The following SLC19A1 variants were observed in gnomAD, a reference collection of about 807,000 sequenced individuals.
The protein encoded by SLC19A1 is reduced folate transporter.
Under a neutral mutation model 35.3 loss-of-function variants are expected in SLC19A1, and 37 were observed. The ratio of observed to expected loss-of-function variants is 1.05; its 90% CI spans 0.81 to 1.38. The LOEUF is 1.38. Among genes scored for constraint, SLC19A1 ranks in the 40% most tolerant of loss-of-function variants. The pLI is 0.00. For synonymous variants in SLC19A1, 460 were observed against 398.5 expected (o/e 1.15, Z -1.84); for missense variants, 831 against 826.9 (o/e 1.00, Z -0.06).
intron 1 of SLC19A1, among the ~76,000 whole-genome samples, chr21:45,550,721 T>G (rs190016760): frequency 1.5e-4 from 23 of 152,332 alleles, no homozygotes; most frequent in African/African-American, 5.3e-4. Flanking sequence ...CATGTGTTCC[T>G]GGATGACTGG....
chr21:45,521,892 G>A (rs992817617), intron 5 of SLC19A1, among the ~76,000 whole-genome samples: 70 of 152,160 alleles, frequency 4.6e-4, no homozygotes, highest in African/African-American at 1.6e-3. Flanking sequence ...GTAAAAACAC[G>A]AAACTTTAAA....
chr21:45,549,678 G>A (rs1175947990), intron 1 of SLC19A1, among the ~76,000 whole-genome samples: 1 of 86,404 alleles, frequency 1.2e-5, no homozygotes, highest in African/African-American at 4.7e-5. Context: ...GGGACAGGTG[G>A]TGGGGGAGGG....
In SLC19A1 at chr21:45,528,926, A is replaced by AT. The variant is rs532063295; in HGVS notation, c.1151+1843dup. ...TTTGCACGCTGCGGCACCGTGTTGGATTTTTTTGCGATGGGCATCAATGAC... is the reference window on the plus strand; with the variant it reads ...TTTGCACGCTGCGGCACCGTGTTGGATTTTTTTTGCGATGGGCATCAATGAC... On this transcript the variant is annotated intron_variant, in intron 4 of 5. Transcript: ENST00000311124. 2.8e-4 allele frequency among the ~76,000 whole-genome samples: 42 copies of AT among 152,292 alleles called. No homozygotes were observed. In the South Asian group the frequency reaches 5.6e-3, roughly 20 times the overall value.
intron 1 of SLC19A1, among the ~76,000 whole-genome samples, chr21:45,538,549 G>A (rs1188465917): frequency 6.6e-6 from 1 of 152,220 alleles, no homozygotes; most frequent in African/African-American, 2.4e-5. Flanking sequence ...GGTGGCTGCA[G>A]GTACCAGCCT....
At chr21:45,503,942 G>T (rs1033345265) in intron 3 of SLC19A1, 1 of 1,576,862 alleles carries the variant, frequency 6.3e-7, no homozygotes, top group Non-Finnish European at 8.7e-7. Flanking sequence ...CCAGTGCTGG[G>T]GGCTGCAGAG....
rs1342644526 is a variant in SLC19A1 at position 45,506,602 on chromosome 21, G to T, written c.498-7990C>A. On this transcript the variant is annotated intron_variant, in intron 3 of 4. Transcript: ENST00000417954. The stretch of plus-strand genomic sequence containing the variant: ...GCCCCGGGAAGGTTTACCTTCGTGT[G>T]GCAAAGGTGAGGACGGGTAGAAGCC... The T allele has an allele frequency of 1.1e-5, 2 of 179,310 alleles. 1 individual carries two copies. Among genetic ancestry groups the T allele is most frequent in the Non-Finnish European group, 2.4e-5 (2 of 82,544 alleles). The allele number at this position is 179,310 out of a possible 1,614,324, so 11.1% of individuals were successfully genotyped here.
intron 2 of SLC19A1, among the ~76,000 whole-genome samples, chr21:45,537,555 C>T (rs1360806358): frequency 1.5e-5 from 2 of 129,992 alleles, no homozygotes; most frequent in African/African-American, 5.7e-5. Flanking sequence ...GGCCGCCCGG[C>T]ACCCCGGCAC....
At chr21:45,561,351 A>C (rs2078613208) in intron 1 of SLC19A1, among the ~76,000 whole-genome samples, 1 of 152,238 alleles carries the variant, frequency 6.6e-6, no homozygotes, top group African/African-American at 2.4e-5. Flanking sequence ...AAGTTAGAAC[A>C]TGTTGCGTTT....
chr21:45,530,112 A>T lies in SLC19A1; in HGVS notation c.1151+658T>A, dbSNP rs2077813852. Among the ~76,000 whole-genome samples, 1 of 146,350 alleles carries T rather than the reference A, an allele frequency of 6.8e-6. No individual in the cohort carries two copies. Among genetic ancestry groups the T allele is most frequent in the Admixed American group, 6.8e-5 (1 of 14,694 alleles). On this transcript the variant is annotated intron_variant, in intron 4 of 5. Transcript: ENST00000311124. The surrounding 1 kb of genome is among the most constrained non-coding windows in gnomAD (Gnocchi z 5.3). ...TGTGGTGTGTCTGTGTGGTGTATCC[A>T]TCTGTGAGCGTGTGGTGTGTTCATG...
intron 1 of SLC19A1, among the ~76,000 whole-genome samples, chr21:45,557,674 G>C (rs73910106): frequency 1.0e-3 from 157 of 152,176 alleles, no homozygotes; most frequent in African/African-American, 3.5e-3. Context: ...TGAGGCTCCC[G>C]GGGAGCCTCA....
At chr21:45,502,957 C>A (rs1372487822) in intron 3 of SLC19A1, 1 of 152,238 alleles carries the variant, frequency 6.6e-6, no homozygotes, top group African/African-American at 2.4e-5. Flanking sequence ...TCTAGAAAAA[C>A]CACCACCGAG....
rs1195394572 is a variant in SLC19A1 at position 45,526,709 on chromosome 21, T to C, written c.1152-751A>G. Among the ~76,000 whole-genome samples the C allele has an allele frequency of 2.6e-5, 4 of 152,330 alleles. No individual in the cohort carries two copies. The South Asian group carries it at 8.3e-4, about 32-fold the overall frequency. On this transcript the variant is annotated intron_variant, in intron 4 of 5. Transcript: ENST00000311124. Reference sequence around the variant, plus strand: ...GTCTCAGCCTTTCGAGTAGCTGGGATTACAGGCACGCGCCATCATGCCCAG... The same window carrying C: ...GTCTCAGCCTTTCGAGTAGCTGGGACTACAGGCACGCGCCATCATGCCCAG...
chr21:45,507,800 G>A (rs983117735), downstream of SLC19A1, among the ~76,000 whole-genome samples: 1 of 152,206 alleles, frequency 6.6e-6, no homozygotes, highest in Non-Finnish European at 1.5e-5. Flanking sequence ...CGTCTCAGCT[G>A]CTGGCCTCAC....
rs565563885 is a variant in SLC19A1 at position 45,515,335 on chromosome 21, G to A, written c.*323C>T. 1.1e-4 allele frequency: 157 copies of A among 1,444,470 alleles called. No homozygotes were observed. Among genetic ancestry groups the A allele is most frequent in the Non-Finnish European group, 1.2e-4 (137 of 1,109,418 alleles). 89.5% of individuals were successfully genotyped at this position (1,444,470 alleles called of 1,614,324 possible). ...TCCAAGAGGCCACTTCACTAGCCCT[G>A]GGGGGCAGAAAGGATTTGTCTCAAG... On this transcript the variant is annotated 3_prime_UTR_variant, in exon 6 of 6. Transcript: ENST00000311124.
rs1238506792 is a variant in SLC19A1, at chr21:45,532,105, G to A, written c.233C>T (p.Ala78Val). The A allele has an allele frequency of 6.2e-7, 1 of 1,611,260 alleles. No homozygotes were observed. Among genetic ancestry groups the A allele is most frequent in the Non-Finnish European group, 8.5e-7 (1 of 1,178,786 alleles). ...ITPVLSYSYL[A>V]VLVPVFLLTD... ...GAGCAGGAACACGGGCACCAGCACG[G>A]CCAGGTAGGAGTACGACAGCACCGG... The change falls in exon 3 of 6, where the codon GCC becomes GTC. Residue 78 changes from alanine (A) to valine (V), a missense_variant. Coordinates refer to ENST00000311124, the MANE Select transcript of SLC19A1 (RefSeq NM_194255.4).
At position 45,513,601 on chromosome 21, in the gene SLC19A1, A is replaced by G. The variant is rs886057147; in HGVS notation, c.*2057T>C. On this transcript the variant is annotated 3_prime_UTR_variant, in exon 6 of 6. Coordinates refer to ENST00000311124, the MANE Select transcript of SLC19A1 (RefSeq NM_194255.4). ...GACTCAGGGCAGCGCCAGGCTGACC[A>G]CAGCACAGCCAACACGCACCTGCCT... is the stretch of plus-strand genomic sequence containing the variant. 2 of 152,370 alleles carry G rather than the reference A, an allele frequency of 1.3e-5. No homozygotes were observed. The highest frequency in any genetic ancestry group is 3.9e-4 in the East Asian group (2 of 5,184). 9.4% of individuals were successfully genotyped at this position (152,370 alleles called of 1,614,324 possible).
chr21:45,562,412 C>T (rs2078624348), intron 1 of SLC19A1, among the ~76,000 whole-genome samples: 2 of 152,166 alleles, frequency 1.3e-5, no homozygotes, highest in South Asian at 4.1e-4. Flanking sequence ...AAAACTTCCA[C>T]TAACAGCCTG....
intron 4 of SLC19A1, 147 bp from the exon 5 acceptor site, chr21:45,526,105 C>G: frequency 1.2e-6 from 1 of 803,456 alleles, no homozygotes; most frequent in Non-Finnish European, 1.9e-6. Flanking sequence ...CACCAGGCCC[C>G]CATCTCTCCC....
chr21:45,518,059 G>A (rs1376916128), intron 5 of SLC19A1, among the ~76,000 whole-genome samples: 2 of 152,116 alleles, frequency 1.3e-5, no homozygotes, highest in African/African-American at 2.4e-5. Context: ...AGACAACACA[G>A]ACAGTAGAAT....
Sources: gnomAD v4.1 joint callset for allele counts (sites outside exome capture counted in the v4.1 genomes callset) on GRCh38, gnomAD v4.1.1 for gene constraint, Gnocchi (gnomAD v3.1) non-coding constraint, MANE v1.5 for transcripts, NCBI Gene and HGNC (gene_info 2026-07-23, HGNC 2026-07-21) for gene names.